TXNDC12: variants seen among roughly 807,000 people sequenced by gnomAD.
TXNDC12 encodes thioredoxin domain containing 12, also known as thioredoxin domain-containing protein 12.
Under a neutral mutation model 24.2 loss-of-function variants are expected in TXNDC12, and 22 were observed. The ratio of observed to expected loss-of-function variants is 0.91; its 90% CI spans 0.65 to 1.30. The LOEUF (loss-of-function observed/expected upper bound fraction) is 1.30. Among genes scored for constraint, TXNDC12 ranks in the 50% most tolerant of loss-of-function variants. The pLI, the probability that TXNDC12 is intolerant of heterozygous loss-of-function variation, is 0.00. For synonymous variants in TXNDC12, 58 were observed against 73.4 expected, an observed-to-expected ratio of 0.79 and a Z score of 1.07; for missense variants, 184 against 205.8, an observed-to-expected ratio of 0.89 and a Z score of 0.65.
At chr1:52,055,451 C>T (rs1686324318), upstream of TXNDC12, 12 of 266,806 alleles carry the variant, frequency 4.5e-5, no homozygotes, top group South Asian at 4.4e-4. Flanking sequence ...TCCTCGCGTC[C>T]GCCACCCAGT....
At position 52,041,558 on chromosome 1, in the gene TXNDC12, C is replaced by T; in HGVS notation, c.137G>A (p.Gly46Glu). The T allele has an allele frequency of 6.2e-7, 1 of 1,612,538 alleles. No individual in the cohort carries two copies. The highest frequency in any genetic ancestry group is 8.5e-7 in the Non-Finnish European group (1 of 1,179,132). The change falls in exon 2 of 7, where the codon GGG (glycine) becomes GAG (glutamate). Residue 46 changes from glycine to glutamate, a missense_variant. Coordinates refer to ENST00000371626, the MANE Select transcript of TXNDC12 (RefSeq NM_015913.4). ...GTACCTGGCAGCTGCTTCTTTCTTCCCATCTTCCAGTGTCCTCCAATGAAT... is the reference window on the plus strand; with the variant it reads ...GTACCTGGCAGCTGCTTCTTTCTTCTCATCTTCCAGTGTCCTCCAATGAAT... ...DHIHWRTLEDGKKEAAASGLP... is the reference protein window; with the variant it reads ...DHIHWRTLEDEKKEAAASGLP...
chr1:52,049,305 C>T (rs899292230), intron 1 of TXNDC12, among the ~76,000 whole-genome samples: 4 of 152,142 alleles, frequency 2.6e-5, no homozygotes, highest in Non-Finnish European at 4.4e-5. Context: ...AGAGGTATAA[C>T]GTGAAAATAG....
chr1:52,039,458 GC>G (rs1268165202), intron 2 of TXNDC12, among the ~76,000 whole-genome samples: 1 of 152,040 alleles, frequency 6.6e-6, no homozygotes, highest in Non-Finnish European at 1.5e-5. Context: ...CTCCCAAGTA[GC>G]TGGGATTACA....
At position 52,032,819 on chromosome 1, in the gene TXNDC12, T is replaced by C. The variant is rs552041592; in HGVS notation, c.159-4189A>G. ...CGACGAAGGCGACTCAGTTCTGCCA[T>C]GGTCAAGGGCCGGGTAAACCGCAAG... is the stretch of plus-strand genomic sequence containing the variant. On this transcript the variant is annotated intron_variant, in intron 2 of 6. Coordinates refer to ENST00000371626, the MANE Select transcript of TXNDC12 (RefSeq NM_015913.4). The C allele has an allele frequency of 3.7e-6, 6 of 1,614,218 alleles. No individual in the cohort carries two copies. Among genetic ancestry groups the C allele is most frequent in the East Asian group, 4.5e-5 (2 of 44,882 alleles).
At chr1:52,050,252 T>C (rs1053789983) in intron 1 of TXNDC12, among the ~76,000 whole-genome samples, 3 of 152,194 alleles carry the variant, frequency 2.0e-5, no homozygotes, top group African/African-American at 7.2e-5. Context: ...AAAGGTACAA[T>C]GTTTACCTTG....
At chr1:52,050,521 G>GT (rs1686181598) in intron 1 of TXNDC12, among the ~76,000 whole-genome samples, 3 of 152,162 alleles carry the variant, frequency 2.0e-5, no homozygotes, top group South Asian at 4.1e-4. Flanking sequence ...TTTAATGAAT[G>GT]TAAGCTAAAG....
chr1:52,028,453 T>C (rs1685705693), intron 3 of TXNDC12, 125 bp downstream of exon 3: 2 of 714,442 alleles, frequency 2.8e-6, no homozygotes, highest in Non-Finnish European at 2.3e-6. Context: ...ATCTATGTCA[T>C]ATGTTTCTTT....
intron 1 of TXNDC12, among the ~76,000 whole-genome samples, chr1:52,051,594 G>A (rs553495932): frequency 1.3e-5 from 2 of 152,152 alleles, no homozygotes; most frequent in African/African-American, 2.4e-5. Flanking sequence ...GGCCAGGCTG[G>A]TCTTGAACTC....
At chr1:52,038,052 T>G (rs1056013950) in intron 2 of TXNDC12, among the ~76,000 whole-genome samples, 1 of 151,982 alleles carries the variant, frequency 6.6e-6, no homozygotes, top group Admixed American at 6.6e-5. Context: ...CTCAGACTCC[T>G]GAGTAGCAGG....
intron 2 of TXNDC12, chr1:52,033,046 A>C: frequency 1.9e-6 from 3 of 1,581,122 alleles, no homozygotes; most frequent in Non-Finnish European, 2.6e-6. Context: ...CGCCAGGGGC[A>C]ACGGCTCCTC....
At chr1:52,023,402 C>T in intron 6 of TXNDC12, 89 bp downstream of exon 6, 2 of 1,058,008 alleles carry the variant, frequency 1.9e-6, no homozygotes, top group Non-Finnish European at 2.9e-6. Flanking sequence ...AGCTAACATG[C>T]TGAATTTACT....
At chr1:52,024,378 ACT>A (rs1557990072) in intron 5 of TXNDC12, 130 bp downstream of exon 5, 1 of 691,984 alleles carries the variant, frequency 1.4e-6, no homozygotes, top group Non-Finnish European at 2.5e-6. Flanking sequence ...GAACTCCCCC[ACT>A]CTCTCTTGAA....
rs551678531 is a variant in TXNDC12, at chr1:52,021,426, T to C, written c.440-414A>G. 5.9e-5 allele frequency among the ~76,000 whole-genome samples: 9 copies of C among 152,158 alleles called. No individual in the cohort carries two copies. In the South Asian group the frequency reaches 1.9e-3, roughly 32 times the overall value. On this transcript the variant is annotated intron_variant, in intron 6 of 6. Coordinates refer to ENST00000371626, the MANE Select transcript of TXNDC12 (RefSeq NM_015913.4). ...CCCCATTGTATCTTTTGGATGAATG[T>C]TGCACTTATTTTACTTCCTGTGGAG...
intron 6 of TXNDC12, among the ~76,000 whole-genome samples, chr1:52,021,560 CAAAAA>C (rs901244160): frequency 3.6e-5 from 2 of 55,718 alleles, no homozygotes; most frequent in Admixed American, 1.8e-4. Context: ...GTTCTCAGGC[CAAAAA>C]AAAAAAAAAA....
chr1:52,033,775 G>A (rs1248765537), intron 2 of TXNDC12: 6 of 1,560,896 alleles, frequency 3.8e-6, no homozygotes, highest in Non-Finnish European at 5.2e-6. Flanking sequence ...CTCAGGGAGC[G>A]ACCATTGGCA....
intron 2 of TXNDC12, chr1:52,033,558 C>G (rs934711784): frequency 1.2e-6 from 2 of 1,613,828 alleles, no homozygotes; most frequent in African/African-American, 2.7e-5. Context: ...GACTCAGGCG[C>G]CGTTCCACGG....
chr1:52,033,522 C>T (rs765758397), intron 2 of TXNDC12: 11 of 1,613,988 alleles, frequency 6.8e-6, no homozygotes, highest in Non-Finnish European at 7.6e-6. Context: ...TGTAGTTAAG[C>T]GAGTCCAGGA....
intron 2 of TXNDC12, among the ~76,000 whole-genome samples, chr1:52,037,321 T>C (rs990836967): frequency 4.7e-5 from 7 of 149,750 alleles, no homozygotes; most frequent in African/African-American, 1.7e-4. Flanking sequence ...CAAGCAATTC[T>C]CCTGCCTCAG....
chr1:52,020,898 A>T lies in TXNDC12; in HGVS notation c.*35T>A, dbSNP rs2124354260. The T allele has an allele frequency of 6.4e-7, 1 of 1,552,256 alleles. No individual in the cohort carries two copies. Among genetic ancestry groups the T allele is most frequent in the East Asian group, 2.2e-5 (1 of 44,540 alleles). ...CCTTCCCTGCTGCTTTCCTTCCAGA[A>T]CACTAACTCTGATGAAAGAAGGGGC... is the stretch of plus-strand genomic sequence containing the variant. On this transcript the variant is annotated 3_prime_UTR_variant, in exon 7 of 7. Transcript: ENST00000371626.
Sources: gnomAD v4.1 joint callset for allele counts (sites outside exome capture counted in the v4.1 genomes callset) on GRCh38, gnomAD v4.1.1 for gene constraint, MANE v1.5 for transcripts, NCBI Gene and HGNC (gene_info 2026-07-23, HGNC 2026-07-21) for gene names.